Variants in LRRC4C observed in about 807,000 individuals in gnomAD.
LRRC4C encodes the protein leucine-rich repeat-containing protein 4C.
LRRC4C carries 5 observed loss-of-function variants against 33.6 expected under a neutral mutation model. The ratio of observed to expected loss-of-function variants is 0.15; its 90% CI spans 0.08 to 0.31. The LOEUF (loss-of-function observed/expected upper bound fraction) is 0.31, where lower values mean the gene tolerates loss of function less well. LRRC4C is among the 10% of genes least tolerant of loss of function. The pLI, the probability that LRRC4C is intolerant of heterozygous loss-of-function variation, is 1.00. For missense variants in LRRC4C, 560 were observed against 796.7 expected, an observed-to-expected ratio of 0.70 and a Z score of 3.58; for synonymous variants, 329 against 302.0, an observed-to-expected ratio of 1.09 and a Z score of -0.93.
At chr11:40,965,056 T>C (rs993042944) in intron 1 of LRRC4C, among the ~76,000 whole-genome samples, 19 of 152,102 alleles carry the variant, frequency 1.2e-4, no homozygotes, top group South Asian at 4.1e-4. Flanking sequence ...TTTTAATGAT[T>C]GCCATTCTAA....
intron 1 of LRRC4C, among the ~76,000 whole-genome samples, chr11:41,059,210 G>GTTTTTT (rs397935483): frequency 4.8e-5 from 6 of 125,218 alleles, no homozygotes; most frequent in East Asian, 2.6e-4. Flanking sequence ...TAAAATAAAA[G>GTTTTTT]TTTTTTTTTT....
intron 3 of LRRC4C, among the ~76,000 whole-genome samples, chr11:40,383,666 T>C (rs1359901047): frequency 6.6e-6 from 1 of 152,048 alleles, no homozygotes; most frequent in Non-Finnish European, 1.5e-5. Flanking sequence ...TTTTTAGAAA[T>C]GTTATTCAGA....
At chr11:40,493,466 A>G (rs994632356) in intron 3 of LRRC4C, among the ~76,000 whole-genome samples, 1 of 152,142 alleles carries the variant, frequency 6.6e-6, no homozygotes, top group South Asian at 2.1e-4. Context: ...CAAAAATAGA[A>G]TGAAATAAAT....
intron 3 of LRRC4C, among the ~76,000 whole-genome samples, chr11:40,513,768 C>G (rs1203123544): frequency 1.3e-5 from 2 of 152,148 alleles, no homozygotes; most frequent in Non-Finnish European, 2.9e-5. Context: ...GGGTTCATGA[C>G]AGACAGACCC....
intron 4 of LRRC4C, among the ~76,000 whole-genome samples, chr11:40,272,516 A>G (rs1016612903): frequency 1.3e-5 from 2 of 152,122 alleles, no homozygotes; most frequent in African/African-American, 4.8e-5. Flanking sequence ...TTCTTGAAAA[A>G]TTACATGCAT....
At chr11:41,275,560 G>T (rs902844020) in intron 1 of LRRC4C, among the ~76,000 whole-genome samples, 4 of 152,148 alleles carry the variant, frequency 2.6e-5, no homozygotes, top group African/African-American at 9.7e-5. Context: ...AGCTCACTGG[G>T]AGTATAAAAT....
rs1955318490 is a variant in LRRC4C, at chr11:41,433,617, TA to T, written c.-496+25813del. 2.0e-5 allele frequency among the ~76,000 whole-genome samples: 3 copies of T among 152,182 alleles called. No individual in the cohort carries two copies. The South Asian group carries it at 6.2e-4, about 32-fold the overall frequency. ...AGCAGACAGAAAAACATGAAAAGGC[TA>T]GACTGCCTTAGCCTCCCAGCTTATA... is the stretch of plus-strand genomic sequence containing the variant. On this transcript the variant is annotated intron_variant, in intron 1 of 6. Coordinates refer to ENST00000528697, the MANE Select transcript of LRRC4C (RefSeq NM_001258419.2).
At chr11:40,339,455 A>C (rs1022126522) in intron 3 of LRRC4C, among the ~76,000 whole-genome samples, 2 of 152,226 alleles carry the variant, frequency 1.3e-5, no homozygotes, top group African/African-American at 4.8e-5. Flanking sequence ...TGTATGAATT[A>C]ATGAGATTTA....
intron 1 of LRRC4C, among the ~76,000 whole-genome samples, chr11:41,023,512 AT>A (rs1156890898): frequency 2.0e-5 from 3 of 151,870 alleles, no homozygotes; most frequent in African/African-American, 7.2e-5. Context: ...CTGGAAAAAA[AT>A]ATCCCTGTAG....
intron 5 of LRRC4C, among the ~76,000 whole-genome samples, chr11:40,204,561 G>GT (rs893784900): frequency 6.6e-6 from 1 of 152,090 alleles, no homozygotes; most frequent in African/African-American, 2.4e-5. Flanking sequence ...CTATCTCCCA[G>GT]TTTTTCTGAG....
chr11:41,326,604 A>G (rs540407467), intron 1 of LRRC4C, among the ~76,000 whole-genome samples: 116 of 152,326 alleles, frequency 7.6e-4, no homozygotes, highest in African/African-American at 2.5e-3. Context: ...GTGATTCACA[A>G]AAGTTAAGAA....
At chr11:41,200,400 A>C (rs1946356489) in intron 1 of LRRC4C, among the ~76,000 whole-genome samples, 1 of 152,178 alleles carries the variant, frequency 6.6e-6, no homozygotes, top group Non-Finnish European at 1.5e-5. Flanking sequence ...TGTCTGCATT[A>C]CTGCACCTGA....
At chr11:41,002,860 T>C (rs983735087) in intron 1 of LRRC4C, among the ~76,000 whole-genome samples, 6 of 152,188 alleles carry the variant, frequency 3.9e-5, no homozygotes, top group Non-Finnish European at 7.3e-5. Context: ...ACGCCTTTGA[T>C]GGTTATACCT....
intron 1 of LRRC4C, among the ~76,000 whole-genome samples, chr11:41,279,928 C>A (rs1949610334): frequency 6.6e-6 from 1 of 151,668 alleles, no homozygotes; most frequent in Non-Finnish European, 1.5e-5. Flanking sequence ...TGAACTGAAA[C>A]ATTATTTCCT....
chr11:40,137,106 A>G (rs1857031237), intron 6 of LRRC4C, among the ~76,000 whole-genome samples: 1 of 152,186 alleles, frequency 6.6e-6, no homozygotes, highest in African/African-American at 2.4e-5. Flanking sequence ...CAACAAAATT[A>G]TCACTTAAAG....
At chr11:40,631,673 A>C (rs1256970693) in intron 3 of LRRC4C, among the ~76,000 whole-genome samples, 10 of 152,170 alleles carry the variant, frequency 6.6e-5, no homozygotes, top group Non-Finnish European at 1.5e-5. Context: ...CTAACATAGC[A>C]TTGGCAAAGT....
At chr11:40,544,414 A>G (rs1450506161) in intron 3 of LRRC4C, among the ~76,000 whole-genome samples, 1 of 152,066 alleles carries the variant, frequency 6.6e-6, no homozygotes, top group Non-Finnish European at 1.5e-5. Flanking sequence ...ACAGGCTTAA[A>G]TATTACTGAC....
rs147140776 is a variant in LRRC4C, at chr11:41,052,827, T to C, written c.-495-119104A>G. 5.9e-5 allele frequency among the ~76,000 whole-genome samples: 9 copies of C among 152,348 alleles called. No individual in the cohort carries two copies. In the East Asian group the frequency reaches 1.5e-3, roughly 26 times the overall value. On this transcript the variant is annotated intron_variant, in intron 1 of 6. Transcript: ENST00000528697. ...ATTCTTCAGTTTACAAAATGATAAT[T>C]ACATTTGCTTTTAATTTTCCTTTGA...
intron 3 of LRRC4C, among the ~76,000 whole-genome samples, chr11:40,359,108 T>C (rs1270720806): frequency 1.3e-5 from 2 of 152,170 alleles, no homozygotes; most frequent in South Asian, 2.1e-4. Flanking sequence ...CCTTATGTAA[T>C]GTGTCGGGTA....
Sources: gnomAD v4.1 joint callset for allele counts (sites outside exome capture counted in the v4.1 genomes callset) on GRCh38, gnomAD v4.1.1 for gene constraint, MANE v1.5 for transcripts, NCBI Gene and HGNC (gene_info 2026-07-23, HGNC 2026-07-21) for gene names.